Variants in SLC60A2 observed in about 807,000 individuals in gnomAD.
The protein encoded by SLC60A2 is solute carrier family 60 member 2.
chr6:111,265,377 A>G, the SLC60A2 span: 4 of 985,272 alleles, frequency 4.1e-6, no homozygotes, highest in African/African-American at 5.2e-5. Flanking sequence ...TCTAATGGGC[A>G]TACCAGAATC....
the SLC60A2 span, chr6:111,266,652 C>T: frequency 6.2e-7 from 1 of 1,614,160 alleles, no homozygotes; most frequent in East Asian, 2.2e-5. Context: ...TGGTGCTTCC[C>T]TGGGAGAAAT....
At chr6:111,262,222 T>C in the SLC60A2 span, 2 of 1,570,414 alleles carry the variant, frequency 1.3e-6, no homozygotes, top group Middle Eastern at 1.7e-4. Flanking sequence ...ATTTTAATGA[T>C]TATAAGTAAA....
the SLC60A2 span, chr6:111,278,326 G>A: frequency 6.6e-6 from 1 of 152,186 alleles, no homozygotes; most frequent in Non-Finnish European, 1.5e-5. Context: ...TTCTTAGGGA[G>A]TCCAGGTTTA....
chr6:111,278,753 C>T, the SLC60A2 span: 1 of 152,188 alleles, frequency 6.6e-6, no homozygotes, highest in Non-Finnish European at 1.5e-5. Context: ...TACCTAATCT[C>T]AGGTCTGTCT....
At chr6:111,278,046 C>G in the SLC60A2 span, 2 of 152,184 alleles carry the variant, frequency 1.3e-5, no homozygotes, top group Non-Finnish European at 2.9e-5. Flanking sequence ...TGTCCAAGCA[C>G]TCTATGAATC....
the SLC60A2 span, among the ~76,000 whole-genome samples, chr6:111,262,051 A>T: frequency 3.3e-5 from 5 of 152,168 alleles, no homozygotes; most frequent in African/African-American, 1.2e-4. Flanking sequence ...ACAAAAAAAT[A>T]ATTTTTTAAA....
chr6:111,264,008 T>C, the SLC60A2 span: 1 of 873,014 alleles, frequency 1.1e-6, no homozygotes, highest in Non-Finnish European at 1.9e-6. Context: ...GTACAGCAGA[T>C]GATACTAAAC....
At chr6:111,279,298 A>G in the SLC60A2 span, among the ~76,000 whole-genome samples, 66 of 145,708 alleles carry the variant, frequency 4.5e-4, no homozygotes, top group Admixed American at 1.5e-3. Flanking sequence ...GTCTCGCTCT[A>G]TTGCCCAGGC....
At chr6:111,260,097 G>T in the SLC60A2 span, among the ~76,000 whole-genome samples, 1 of 152,126 alleles carries the variant, frequency 6.6e-6, no homozygotes, top group South Asian at 2.1e-4. Flanking sequence ...TTTTAGTAGA[G>T]ACGGGGCTTC....
the SLC60A2 span, chr6:111,278,010 C>T: frequency 1.3e-5 from 2 of 152,140 alleles, no homozygotes; most frequent in African/African-American, 2.4e-5. Flanking sequence ...TGAACTCTGC[C>T]CCCAGGAGCA....
chr6:111,275,567 G>A, the SLC60A2 span, among the ~76,000 whole-genome samples: 3 of 151,712 alleles, frequency 2.0e-5, no homozygotes, highest in East Asian at 1.9e-4. Flanking sequence ...GCACCACCAC[G>A]CCCAGCTAAT....
chr6:111,273,510 T>TG, the SLC60A2 span, among the ~76,000 whole-genome samples: 5,947 of 129,346 alleles, frequency 0.046, 152 homozygotes, highest in Non-Finnish European at 0.069. Context: ...TTTTTTTTTT[T>TG]TTTGTTTAAC....
At chr6:111,262,427 T>G in the SLC60A2 span, 1 of 1,609,022 alleles carries the variant, frequency 6.2e-7, no homozygotes, top group African/African-American at 1.3e-5. Context: ...TACTTTTGGG[T>G]AAGTAAATGC....
the SLC60A2 span, among the ~76,000 whole-genome samples, chr6:111,264,400 A>G: frequency 7.1e-6 from 1 of 141,316 alleles, no homozygotes; most frequent in Admixed American, 7.5e-5. Context: ...AGAGAGATCC[A>G]TAGTGTGGAC....
At chr6:111,263,832 A>C in the SLC60A2 span, 3 of 1,563,812 alleles carry the variant, frequency 1.9e-6, no homozygotes, top group Non-Finnish European at 2.6e-6. Context: ...CTTCCCAGGA[A>C]TCTCAATGTC....
chr6:111,272,955 C>G, the SLC60A2 span, among the ~76,000 whole-genome samples: 1 of 151,784 alleles, frequency 6.6e-6, no homozygotes, highest in Admixed American at 6.6e-5. Flanking sequence ...CTCAGCCTCC[C>G]AAGTAGCTGG....
the SLC60A2 span, among the ~76,000 whole-genome samples, chr6:111,271,590 C>G: frequency 0.019 from 2,849 of 150,280 alleles, 36 homozygotes; most frequent in Non-Finnish European, 0.028. Flanking sequence ...TTAAAAAAAC[C>G]TAATTGGGAG....
chr6:111,276,614 T>C, the SLC60A2 span, among the ~76,000 whole-genome samples: 1 of 152,222 alleles, frequency 6.6e-6, no homozygotes. Flanking sequence ...GTAGACTAAG[T>C]ATTAATGAAC....
chr6:111,267,919 AGAG>A, the SLC60A2 span: 13 of 152,394 alleles, frequency 8.5e-5, no homozygotes, highest in East Asian at 2.5e-3. Flanking sequence ...ATTTCAATGA[AGAG>A]AACACAGAAC....
Sources: gnomAD v4.1 joint callset for allele counts (sites outside exome capture counted in the v4.1 genomes callset) on GRCh38, gnomAD v4.1.1 for gene constraint, MANE v1.5 for transcripts, NCBI Gene and HGNC (gene_info 2026-07-23, HGNC 2026-07-21) for gene names.